The following PRKG1 variants were observed in gnomAD, a reference collection of about 807,000 sequenced individuals.
PRKG1 encodes the protein protein kinase cGMP-dependent 1, also known as cGMP-dependent protein kinase 1.
A neutral mutation model predicts 88.1 loss-of-function variants in PRKG1; 35 were observed. The ratio of observed to expected loss-of-function variants is 0.40; its 90% CI spans 0.30 to 0.53. The LOEUF is 0.53. Ranked by LOEUF, PRKG1 falls within the 20% of genes least tolerant of loss-of-function variation. The probability of loss-of-function intolerance (pLI) is 0.59; values close to 1 mark genes in which losing one functional copy is unlikely to be tolerated. For missense variants in PRKG1, 540 were observed against 839.8 expected, an observed-to-expected ratio of 0.64 and a Z score of 4.41; for synonymous variants, 303 against 292.5, an observed-to-expected ratio of 1.04 and a Z score of -0.37.
intron 2 of PRKG1, among the ~76,000 whole-genome samples, chr10:51,356,466 A>C (rs947267283): frequency 4.0e-5 from 6 of 151,788 alleles, no homozygotes; most frequent in African/African-American, 7.2e-5. Flanking sequence ...TCTTTATGCT[A>C]TTGGCCCTAA....
chr10:51,640,704 C>T (rs1005138894), intron 3 of PRKG1, among the ~76,000 whole-genome samples: 5 of 152,034 alleles, frequency 3.3e-5, no homozygotes, highest in African/African-American at 1.2e-4. Flanking sequence ...GTTACTGAGT[C>T]CTTCAAGTTT....
At chr10:52,176,805 C>G (rs1838880076) in intron 9 of PRKG1, among the ~76,000 whole-genome samples, 1 of 151,834 alleles carries the variant, frequency 6.6e-6, no homozygotes, top group African/African-American at 2.4e-5. Flanking sequence ...TTATTTCTTT[C>G]TCAGCTAGTT....
chr10:51,315,416 G>T (rs1463219022), intron 2 of PRKG1, among the ~76,000 whole-genome samples: 1 of 152,160 alleles, frequency 6.6e-6, no homozygotes, highest in East Asian at 1.9e-4. Context: ...AACAAGTTTA[G>T]TGTAAAAGTT....
chr10:51,138,657 T>A (rs1845744554), intron 1 of PRKG1, among the ~76,000 whole-genome samples: 1 of 151,418 alleles, frequency 6.6e-6, no homozygotes, highest in African/African-American at 2.4e-5. Context: ...AATCCAGTCT[T>A]TTTGGACATT....
chr10:51,148,300 T>A, intron 1 of PRKG1: 1 of 982,838 alleles, frequency 1.0e-6, no homozygotes. Flanking sequence ...CCCCTGACAT[T>A]TGATCCCAAA....
At chr10:51,400,449 G>A (rs1031126292) in intron 2 of PRKG1, among the ~76,000 whole-genome samples, 9 of 152,164 alleles carry the variant, frequency 5.9e-5, no homozygotes, top group African/African-American at 2.2e-4. Context: ...TCTTCTGCCA[G>A]GGTAATGGTA....
intron 2 of PRKG1, among the ~76,000 whole-genome samples, chr10:51,383,150 C>T (rs1837153233): frequency 6.6e-6 from 1 of 151,994 alleles, no homozygotes; most frequent in Admixed American, 6.6e-5. Flanking sequence ...AGAGAAGATC[C>T]CTGAACAACA....
At chr10:51,823,102 A>G (rs1032559056) in intron 4 of PRKG1, among the ~76,000 whole-genome samples, 1 of 152,296 alleles carries the variant, frequency 6.6e-6, no homozygotes, top group African/African-American at 2.4e-5. Context: ...TATATGTTTT[A>G]AAACTTTCCA....
chr10:52,036,805 G>A (rs1488095439), intron 5 of PRKG1, among the ~76,000 whole-genome samples: 1 of 152,156 alleles, frequency 6.6e-6, no homozygotes, highest in East Asian at 1.9e-4. Flanking sequence ...GTCTAAGTTG[G>A]CACCAGAGTT....
At chr10:52,104,553 G>A (rs965505161) in intron 7 of PRKG1, among the ~76,000 whole-genome samples, 5 of 152,062 alleles carry the variant, frequency 3.3e-5, no homozygotes, top group African/African-American at 9.6e-5. Flanking sequence ...CATGAATAAG[G>A]CCACCTCTGC....
rs536463316 is a variant in PRKG1, at chr10:51,435,088, A to G, written c.479-32635A>G. 4.6e-5 allele frequency among the ~76,000 whole-genome samples: 7 copies of G among 152,210 alleles called. No homozygotes were observed. In the South Asian group the frequency reaches 1.0e-3, roughly 23 times the overall value. On this transcript the variant is annotated intron_variant, in intron 2 of 17. Transcript: ENST00000373980. ...TTTGCACTACAACTCTATTTATAAA[A>G]GGCAGGAATTGTAGATACTTTCATG... is the stretch of plus-strand genomic sequence containing the variant.
chr10:51,396,987 A>T (rs1212964677), intron 2 of PRKG1, among the ~76,000 whole-genome samples: 1 of 152,252 alleles, frequency 6.6e-6, no homozygotes, highest in East Asian at 1.9e-4. Flanking sequence ...TTTTAATTAC[A>T]GGCAGGATCT....
chr10:51,783,043 A>G (rs939515284), intron 3 of PRKG1, among the ~76,000 whole-genome samples: 4 of 152,046 alleles, frequency 2.6e-5, no homozygotes, highest in African/African-American at 7.2e-5. Flanking sequence ...AGTTTGTGAT[A>G]CACTTATCGA....
intron 2 of PRKG1, among the ~76,000 whole-genome samples, chr10:51,349,422 A>AT (rs1564456887): frequency 6.6e-6 from 1 of 151,888 alleles, no homozygotes; most frequent in Admixed American, 6.6e-5. Flanking sequence ...TTCAGAGAAG[A>AT]TAAAAAATTG....
intron 5 of PRKG1, among the ~76,000 whole-genome samples, chr10:51,913,017 C>A (rs58747074): frequency 0.036 from 5,497 of 152,212 alleles, 356 homozygotes; most frequent in African/African-American, 0.13. Flanking sequence ...CAACCTTCAT[C>A]GCCCCGTTTC....
chr10:51,754,981 A>G (rs934272624), intron 3 of PRKG1, among the ~76,000 whole-genome samples: 2 of 148,778 alleles, frequency 1.3e-5, no homozygotes, highest in African/African-American at 5.0e-5. Context: ...CTTCTCAATT[A>G]TGCTTTGGAA....
intron 7 of PRKG1, among the ~76,000 whole-genome samples, chr10:52,127,588 A>G (rs1323026636): frequency 2.6e-5 from 4 of 152,184 alleles, no homozygotes; most frequent in Admixed American, 1.3e-4. Context: ...TTAATTTATT[A>G]TATAGAAACT....
intron 5 of PRKG1, among the ~76,000 whole-genome samples, chr10:51,945,285 T>G (rs1193561012): frequency 6.6e-6 from 1 of 151,032 alleles, no homozygotes; most frequent in Non-Finnish European, 1.5e-5. Flanking sequence ...AACCCCAGCC[T>G]TTTTTTGTTT....
intron 5 of PRKG1, among the ~76,000 whole-genome samples, chr10:52,018,437 A>G (rs1192294708): frequency 6.6e-6 from 1 of 152,172 alleles, no homozygotes; most frequent in African/African-American, 2.4e-5. Flanking sequence ...TTCCTGTTCT[A>G]CAACATCCAC....
Sources: allele counts gnomAD v4.1 joint callset (sites outside exome capture counted in the v4.1 genomes callset), GRCh38; gene constraint gnomAD v4.1.1; transcripts MANE v1.5; gene names NCBI Gene and HGNC (gene_info 2026-07-23, HGNC 2026-07-21).